The following DHRSX variants were observed in gnomAD, a reference collection of about 807,000 sequenced individuals.
The protein encoded by DHRSX is dehydrogenase/reductase X-linked.
In DHRSX, 31 loss-of-function variants were observed where a neutral mutation model predicts 34.0. That is an observed-to-expected ratio of 0.91 (90% confidence interval 0.69 to 1.23). The LOEUF (loss-of-function observed/expected upper bound fraction) is 1.23. Among genes scored for constraint, DHRSX ranks in the 50% most tolerant of loss-of-function variants. The pLI, the probability that DHRSX is intolerant of heterozygous loss-of-function variation, is 0.00. For synonymous variants in DHRSX, 201 were observed against 183.8 expected (o/e 1.09, Z -0.76); for missense variants, 414 against 428.1 (o/e 0.97, Z 0.29).
chrX:2,481,733 G>T (rs761407648), intron 1 of DHRSX, among the ~76,000 whole-genome samples: 1 of 152,196 alleles, frequency 6.6e-6, no homozygotes, highest in South Asian at 2.1e-4. Flanking sequence ...AGCACACGAG[G>T]TCGTCTCACA....
chrX:2,309,705 C>G (rs889808104), intron 3 of DHRSX, among the ~76,000 whole-genome samples: 1 of 151,988 alleles, frequency 6.6e-6, no homozygotes, highest in African/African-American at 2.4e-5. Flanking sequence ...GAGGCCAGTT[C>G]AAGAGCAGCC....
Position 2,221,249 on chromosome X carries a change from A to C in DHRSX, c.805-20T>G, listed in dbSNP as rs1290611338. ...GGGGGTCTGGTGGAAGAAGAAAAGA[A>C]GGCTACGATGAGTCAAATTTCTGAG... On this transcript the variant is annotated intron_variant, in intron 6 of 6. Transcript: ENST00000334651. The C allele has an allele frequency of 4.4e-6, 7 of 1,609,176 alleles. No individual in the cohort carries two copies. The highest frequency in any genetic ancestry group is 4.2e-6 in the Non-Finnish European group (5 of 1,177,670).
chrX:2,240,800 A>G (rs1243626104), intron 6 of DHRSX, among the ~76,000 whole-genome samples: 5 of 152,144 alleles, frequency 3.3e-5, no homozygotes, highest in South Asian at 4.1e-4. Flanking sequence ...TTGTTTTGTA[A>G]ACAAATTATT....
chrX:2,391,970 A>G (rs1185477105), intron 3 of DHRSX, among the ~76,000 whole-genome samples: 1 of 152,154 alleles, frequency 6.6e-6, no homozygotes, highest in African/African-American at 2.4e-5. Flanking sequence ...CTGTGAAAAG[A>G]GCAGTGATTG....
At chrX:2,449,256 G>A (rs1438530672) in intron 1 of DHRSX, among the ~76,000 whole-genome samples, 3 of 152,002 alleles carry the variant, frequency 2.0e-5, no homozygotes, top group African/African-American at 4.8e-5. Context: ...ATGATCACAC[G>A]AGGTCATCTC....
chrX:2,445,743 G>T (rs28510096), intron 1 of DHRSX, among the ~76,000 whole-genome samples: 2 of 151,592 alleles, frequency 1.3e-5, no homozygotes, highest in East Asian at 3.9e-4. Flanking sequence ...GACTGCCACC[G>T]TGTACACACT....
Position 2,293,529 on chromosome X carries a change from T to C in DHRSX, c.287-1926A>G, listed in dbSNP as rs2041892381. Reference sequence around the variant, plus strand: ...AGAGGTGGAAGGTATTGGGGGACACTGCCAGTGAGTTCTGAAAGGTGAGGA... The same window carrying C: ...AGAGGTGGAAGGTATTGGGGGACACCGCCAGTGAGTTCTGAAAGGTGAGGA... On this transcript the variant is annotated intron_variant, in intron 3 of 6. Transcript: ENST00000334651. Among the ~76,000 whole-genome samples the C allele has an allele frequency of 2.6e-5, 4 of 152,124 alleles. 1 individual carries two copies. Among genetic ancestry groups the C allele is most frequent in the African/African-American group, 9.7e-5 (4 of 41,428 alleles).
At chrX:2,321,759 G>A (rs1602940273) in intron 3 of DHRSX, among the ~76,000 whole-genome samples, 1 of 152,082 alleles carries the variant, frequency 6.6e-6, no homozygotes, top group East Asian at 1.9e-4. Flanking sequence ...ACACAGGTTT[G>A]AATTGCACGG....
chrX:2,252,611 G>A (rs2016458365), intron 5 of DHRSX, among the ~76,000 whole-genome samples: 1 of 152,180 alleles, frequency 6.6e-6, no homozygotes, highest in Non-Finnish European at 1.5e-5. Flanking sequence ...AAATGGAGGG[G>A]TTGGTTCTGT....
rs774671823 is a variant in DHRSX, at chrX:2,296,964, AGACCCCAGGCAGACAGGAATAG to A, written c.287-5383_287-5362del. Among the ~76,000 whole-genome samples the A allele has an allele frequency of 3.6e-4, 38 of 105,686 alleles. 1 individual carries two copies. The highest frequency in any genetic ancestry group is 1.5e-3 in the African/African-American group (15 of 10,200). 69.3% of individuals were successfully genotyped at this position (105,686 alleles called of 152,430 possible). On this transcript the variant is annotated intron_variant, in intron 3 of 6. Transcript: ENST00000334651. ...AGATAGGAATAGGACCCAGGCAGAT[AGACCCCAGGCAGACAGGAATAG>A]GACCCAGGCAGATAGGAATAGGACC...
intron 2 of DHRSX, among the ~76,000 whole-genome samples, chrX:2,410,213 A>G (rs1473514379): frequency 6.6e-6 from 1 of 152,228 alleles, no homozygotes; most frequent in African/African-American, 2.4e-5. Context: ...CTCATCCTTC[A>G]TTAACCTGTT....
intron 3 of DHRSX, among the ~76,000 whole-genome samples, chrX:2,337,243 A>G (rs2042580616): frequency 6.6e-6 from 1 of 152,110 alleles, no homozygotes; most frequent in Non-Finnish European, 1.5e-5. Flanking sequence ...CTCGTTAAGG[A>G]TATCAGGACA....
chrX:2,456,508 G>A (rs1429084565), intron 1 of DHRSX, among the ~76,000 whole-genome samples: 1 of 151,676 alleles, frequency 6.6e-6, no homozygotes, highest in Non-Finnish European at 1.5e-5. Flanking sequence ...CAGCTACTCG[G>A]GAGGCTGTGG....
chrX:2,302,323 G>C (rs1185129655), intron 3 of DHRSX, among the ~76,000 whole-genome samples: 1 of 152,092 alleles, frequency 6.6e-6, no homozygotes, highest in Non-Finnish European at 1.5e-5. Flanking sequence ...GAGAAATACA[G>C]TTGGGTGGGC....
rs148401540 is a variant in DHRSX at position 2,243,134 on chromosome X, G to C, written c.693C>G (p.Ser231Arg). ...HLQRLLAAEG[S>R]HVTANVVDPG... ...GGTCCACCACGTTGGCGGTCACGTG[G>C]CTTCCCTCAGCCGCCAGCAGCCGCT... is the stretch of plus-strand genomic sequence containing the variant. Residue 231 changes from serine to arginine, a missense_variant, in exon 6 of 7, where the codon AGC (serine) becomes AGG (arginine). By Grantham distance (110) the Ser-to-Arg change is moderately radical. Coordinates refer to ENST00000334651, the MANE Select transcript of DHRSX (RefSeq NM_145177.3). The C allele has an allele frequency of 1.2e-6, 2 of 1,613,824 alleles. No homozygotes were observed. Among genetic ancestry groups the C allele is most frequent in the African/African-American group, 2.7e-5 (2 of 74,914 alleles).
intron 1 of DHRSX, chrX:2,489,606 C>A: frequency 6.2e-7 from 1 of 1,612,624 alleles, no homozygotes; most frequent in Non-Finnish European, 8.5e-7. Context: ...AAGACCCCGG[C>A]GATGACGAAC....
At chrX:2,478,276 CGGT>C (rs1408287372) in intron 1 of DHRSX, among the ~76,000 whole-genome samples, 3 of 151,996 alleles carry the variant, frequency 2.0e-5, no homozygotes, top group African/African-American at 7.2e-5. Context: ...CTGGGATGGG[CGGT>C]GACAGAGGAA....
At chrX:2,229,296 CAA>C (rs932406419) in intron 6 of DHRSX, among the ~76,000 whole-genome samples, 10 of 151,992 alleles carry the variant, frequency 6.6e-5, no homozygotes, top group African/African-American at 2.2e-4. Context: ...ATGCTGTGGT[CAA>C]AGAGAAATTC....
chrX:2,230,176 C>T (rs183459208), intron 6 of DHRSX, among the ~76,000 whole-genome samples: 42 of 151,506 alleles, frequency 2.8e-4, no homozygotes, highest in African/African-American at 8.0e-4. Flanking sequence ...TGCAGGTGCG[C>T]GCATGTGTTT....
Sources: allele counts gnomAD v4.1 joint callset (sites outside exome capture counted in the v4.1 genomes callset), GRCh38; gene constraint gnomAD v4.1.1; transcripts MANE v1.5; gene names NCBI Gene and HGNC (gene_info 2026-07-23, HGNC 2026-07-21).